The following OR2C1 variants were observed in gnomAD, a reference collection of about 807,000 sequenced individuals.
OR2C1 encodes the protein olfactory receptor 2C1.
For missense variants in OR2C1, 468 were observed against 388.3 expected (o/e 1.21, Z -1.73); for synonymous variants, 209 against 167.3 (o/e 1.25, Z -1.92).
In OR2C1 at chr16:3,356,860, A is replaced by C; in HGVS notation, c.920A>C (p.Lys307Thr). ...GGCGCACTGAGGAGGTTGCTGGGGA[A>C]AGGAAGAGAAGTTGGCTGAGAGAAC... is the stretch of plus-strand genomic sequence containing the variant. ...VKGALRRLLG[K>T]GREVG is the part of the protein sequence containing the mutation. Residue 307 changes from lysine to threonine, a missense_variant, in exon 1 of 1, where the codon AAA (lysine) becomes ACA (threonine). Lys to Thr is a moderately conservative substitution (Grantham distance 78). Coordinates refer to ENST00000304936, the MANE Select transcript of OR2C1 (RefSeq NM_012368.3). The C allele has an allele frequency of 6.3e-7, 1 of 1,595,720 alleles. No homozygotes were observed. The highest frequency in any genetic ancestry group is 8.6e-7 in the Non-Finnish European group (1 of 1,169,572).
At chr16:3,347,999 C>T in the OR2C1 span, among the ~76,000 whole-genome samples, 1 of 152,158 alleles carries the variant, frequency 6.6e-6, no homozygotes. Flanking sequence ...ATTTAGCATA[C>T]AAACATTAAG....
At chr16:3,327,441 A>C in the OR2C1 span, among the ~76,000 whole-genome samples, 2 of 152,078 alleles carry the variant, frequency 1.3e-5, no homozygotes, top group Non-Finnish European at 2.9e-5. Context: ...CATTGAGAAC[A>C]CAGGAGCTGC....
chr16:3,356,774 C>T lies in OR2C1; in HGVS notation c.834C>T (p.Tyr278=), dbSNP rs1220621164. The T allele has an allele frequency of 1.9e-6, 3 of 1,614,182 alleles. No homozygotes were observed. The highest frequency in any genetic ancestry group is 2.2e-5 in the South Asian group (2 of 91,074). Residue 278 remains tyrosine (Y), a synonymous_variant, in exon 1 of 1, where the codon TAC becomes TAT. Transcript: ENST00000304936. The part of the protein sequence containing the change: ...QDQGKFISLF[Y]SLVTPMVNPL... ...AGGGCAAGTTCATTTCCCTGTTCTA[C>T]TCGTTGGTCACACCCATGGTGAATC...
chr16:3,348,322 T>C, the OR2C1 span, among the ~76,000 whole-genome samples: 1 of 152,144 alleles, frequency 6.6e-6, no homozygotes, highest in Non-Finnish European at 1.5e-5. Context: ...GGGTCATAAT[T>C]TACCGAATTC....
At chr16:3,337,029 A>T in the OR2C1 span, among the ~76,000 whole-genome samples, 1 of 150,278 alleles carries the variant, frequency 6.7e-6, no homozygotes, top group Non-Finnish European at 1.5e-5. Flanking sequence ...AATTTTTTGT[A>T]TTTATAGTAG....
chr16:3,339,222 G>A, the OR2C1 span, among the ~76,000 whole-genome samples: 2 of 150,448 alleles, frequency 1.3e-5, no homozygotes, highest in African/African-American at 2.4e-5. Context: ...ATGTTCTATA[G>A]CATTTCAATC....
the OR2C1 span, among the ~76,000 whole-genome samples, chr16:3,341,728 G>A: frequency 1.2e-3 from 177 of 152,312 alleles, no homozygotes; most frequent in African/African-American, 3.3e-3. Flanking sequence ...TCACTGTGGA[G>A]TTGTGGTGTG....
At chr16:3,353,711 G>C (rs1049971394), upstream of OR2C1, among the ~76,000 whole-genome samples, 1 of 151,706 alleles carries the variant, frequency 6.6e-6, no homozygotes, top group Non-Finnish European at 1.5e-5. Context: ...TGAGGCAGGA[G>C]AATCGCTTGA....
upstream of OR2C1, among the ~76,000 whole-genome samples, chr16:3,351,206 CTTTTTTTCTTTTTCTTTTTCTTTTT>C (rs1555468194): frequency 9.7e-5 from 1 of 10,292 alleles, no homozygotes; most frequent in African/African-American, 3.1e-4. Context: ...AGTCTTTTTT[CTTTTTTTCTTTTTCTTTTTCTTTTT>C]TTTTTTTTTT....
At chr16:3,351,400 T>A (rs139671700), upstream of OR2C1, among the ~76,000 whole-genome samples, 883 of 152,126 alleles carry the variant, frequency 5.8e-3, 11 homozygotes, top group African/African-American at 0.02. Flanking sequence ...CACCTGCTTA[T>A]GAAGCACACA....
chr16:3,352,178 G>A (rs2030582705), upstream of OR2C1, among the ~76,000 whole-genome samples: 1 of 151,762 alleles, frequency 6.6e-6, no homozygotes, highest in African/African-American at 2.4e-5. Context: ...GTGCAGTGGT[G>A]CAATCTTGGC....
chr16:3,346,672 C>G, the OR2C1 span, among the ~76,000 whole-genome samples: 1 of 139,732 alleles, frequency 7.2e-6, no homozygotes, highest in South Asian at 2.3e-4. Context: ...CTCTGTCATC[C>G]AGGCTGGAGT....
the OR2C1 span, chr16:3,323,031 A>T: frequency 3.2e-6 from 2 of 618,384 alleles, no homozygotes; most frequent in Admixed American, 6.3e-5. Context: ...CCATGAACCT[A>T]AGCTACTGTC....
chr16:3,341,913 T>C, the OR2C1 span, among the ~76,000 whole-genome samples: 1 of 152,364 alleles, frequency 6.6e-6, no homozygotes, highest in Admixed American at 6.5e-5. Context: ...TGGTCTTTCT[T>C]TCCATGAAAC....
chr16:3,327,381 G>A, the OR2C1 span, among the ~76,000 whole-genome samples: 1 of 151,936 alleles, frequency 6.6e-6, no homozygotes, highest in Non-Finnish European at 1.5e-5. Context: ...ACCATCTTTG[G>A]GGAACAGTTC....
the OR2C1 span, among the ~76,000 whole-genome samples, chr16:3,344,988 T>G: frequency 2.0e-5 from 3 of 152,098 alleles, no homozygotes; most frequent in African/African-American, 2.4e-5. Flanking sequence ...AATATGCTCA[T>G]TACAGCATTG....
At chr16:3,343,707 G>A in the OR2C1 span, among the ~76,000 whole-genome samples, 7 of 152,204 alleles carry the variant, frequency 4.6e-5, no homozygotes, top group East Asian at 1.2e-3. Context: ...AGCTAAGATC[G>A]TGCCACTGCA....
the OR2C1 span, among the ~76,000 whole-genome samples, chr16:3,328,267 T>A: frequency 1.3e-5 from 2 of 152,210 alleles, no homozygotes; most frequent in Non-Finnish European, 2.9e-5. Context: ...AAAACATACT[T>A]AGCCAAACAA....
the OR2C1 span, among the ~76,000 whole-genome samples, chr16:3,335,847 T>C: frequency 5.9e-5 from 9 of 152,234 alleles, no homozygotes; most frequent in Admixed American, 5.9e-4. Context: ...AAATGTAAGA[T>C]CATGTCATGT....
Sources: allele counts gnomAD v4.1 joint callset (sites outside exome capture counted in the v4.1 genomes callset), GRCh38; gene constraint gnomAD v4.1.1; transcripts MANE v1.5; gene names NCBI Gene and HGNC (gene_info 2026-07-23, HGNC 2026-07-21).